Variants in CHSY1 observed in about 807,000 individuals in gnomAD.
CHSY1 encodes chondroitin sulfate synthase 1, also known as N-acetylgalactosaminyl-proteoglycan 3-beta-glucuronosyltransferase 1.
Under a neutral mutation model 59.8 loss-of-function variants are expected in CHSY1, and 13 were observed. The ratio of observed to expected loss-of-function variants is 0.22; its 90% CI spans 0.14 to 0.35. The LOEUF is 0.35. Ranked by LOEUF, CHSY1 falls within the 10% of genes least tolerant of loss-of-function variation. CHSY1 has a pLI of 1.00. For synonymous variants in CHSY1, 459 were observed against 401.2 expected (o/e 1.14, Z -1.72); for missense variants, 947 against 1,030.6 (o/e 0.92, Z 1.11).
At chr15:101,247,936 T>C (rs2039067559) in intron 1 of CHSY1, among the ~76,000 whole-genome samples, 2 of 152,354 alleles carry the variant, frequency 1.3e-5, no homozygotes, top group South Asian at 4.1e-4. Context: ...TGCTAGCTAC[T>C]AGTCCCTTCA....
intron 1 of CHSY1, among the ~76,000 whole-genome samples, chr15:101,245,183 T>C (rs1435202458): frequency 6.6e-6 from 1 of 152,192 alleles, no homozygotes; most frequent in Non-Finnish European, 1.5e-5. Flanking sequence ...ACACAAAGCC[T>C]GGCACGCAGA....
chr15:101,230,875 G>T (rs1351575874), intron 2 of CHSY1, among the ~76,000 whole-genome samples: 1 of 152,180 alleles, frequency 6.6e-6, no homozygotes, highest in Non-Finnish European at 1.5e-5. Flanking sequence ...GGGAGAAAAA[G>T]GTGGCCATTC....
At chr15:101,230,239 C>T (rs992508676) in intron 2 of CHSY1, among the ~76,000 whole-genome samples, 1 of 152,126 alleles carries the variant, frequency 6.6e-6, no homozygotes, top group Non-Finnish European at 1.5e-5. Flanking sequence ...TAATACCCTA[C>T]TTTTGATAAT....
At chr15:101,210,428 T>G (rs947356147) in intron 2 of CHSY1, among the ~76,000 whole-genome samples, 28 of 152,340 alleles carry the variant, frequency 1.8e-4, no homozygotes, top group Admixed American at 1.8e-3. Flanking sequence ...AGACACTAGA[T>G]GGATACTGGA....
chr15:101,203,301 A>G (rs752661377), intron 2 of CHSY1, among the ~76,000 whole-genome samples: 1 of 152,234 alleles, frequency 6.6e-6, no homozygotes, highest in Non-Finnish European at 1.5e-5. Context: ...CCACAGGTCA[A>G]GGCCACACAT....
chr15:101,198,644 C>A (rs984873164), intron 2 of CHSY1, among the ~76,000 whole-genome samples: 8 of 152,212 alleles, frequency 5.3e-5, no homozygotes, highest in African/African-American at 1.9e-4. Context: ...CTTTCAAAAA[C>A]TGGATAACTT....
chr15:101,190,775 C>T lies in CHSY1; in HGVS notation c.817-11795G>A, dbSNP rs543868360. Among the ~76,000 whole-genome samples the T allele has an allele frequency of 1.2e-4, 19 of 152,210 alleles. No individual in the cohort carries two copies. In the East Asian group the frequency reaches 2.3e-3, roughly 19 times the overall value. ...GGAAAACAACCCAATTAAAAAGTAG[C>T]CAAAGGCTTTAACAAGCACCTTGCC... On this transcript the variant is annotated intron_variant, in intron 2 of 2. Transcript: ENST00000254190.
chr15:101,208,187 C>T (rs1207908512), intron 2 of CHSY1, among the ~76,000 whole-genome samples: 2 of 152,182 alleles, frequency 1.3e-5, no homozygotes, highest in African/African-American at 4.8e-5. Flanking sequence ...CACACACACA[C>T]ATGCACATTT....
intron 1 of CHSY1, among the ~76,000 whole-genome samples, chr15:101,249,792 G>A (rs982859198): frequency 1.3e-5 from 2 of 152,176 alleles, no homozygotes; most frequent in African/African-American, 4.8e-5. Context: ...TAGAATTACA[G>A]GCGTGAGCCA....
chr15:101,193,676 G>T (rs1314805950), intron 2 of CHSY1, among the ~76,000 whole-genome samples: 1 of 152,220 alleles, frequency 6.6e-6, no homozygotes, highest in Non-Finnish European at 1.5e-5. Context: ...TTACTCCATG[G>T]ACCCAAATTT....
chr15:101,208,185 C>A (rs2038646828), intron 2 of CHSY1, among the ~76,000 whole-genome samples: 1 of 152,196 alleles, frequency 6.6e-6, no homozygotes, highest in South Asian at 2.1e-4. Context: ...GACACACACA[C>A]ACATGCACAT....
At chr15:101,189,355 G>A (rs2038413795) in intron 2 of CHSY1, 7 of 744,384 alleles carry the variant, frequency 9.4e-6, no homozygotes, top group African/African-American at 1.9e-5. Context: ...CTACGAGAAC[G>A]TGATATAAGC....
chr15:101,210,990 G>A (rs2141260708), intron 2 of CHSY1, among the ~76,000 whole-genome samples: 1 of 152,232 alleles, frequency 6.6e-6, no homozygotes, highest in South Asian at 2.1e-4. Flanking sequence ...AATATCAAAT[G>A]AAATAACTAA....
At chr15:101,201,102 AG>A (rs963974336) in intron 2 of CHSY1, among the ~76,000 whole-genome samples, 2 of 29,224 alleles carry the variant, frequency 6.8e-5, no homozygotes, top group African/African-American at 1.3e-4. Context: ...GTGTGTCTAT[AG>A]GTGGGGGCGG....
chr15:101,224,765 C>G (rs1214147054), intron 2 of CHSY1, among the ~76,000 whole-genome samples: 1 of 152,202 alleles, frequency 6.6e-6, no homozygotes, highest in Non-Finnish European at 1.5e-5. Context: ...CTTTCCTATC[C>G]CAGACAACAC....
At chr15:101,183,783 G>A (rs986152819) in intron 2 of CHSY1, among the ~76,000 whole-genome samples, 18 of 152,154 alleles carry the variant, frequency 1.2e-4, no homozygotes, top group Admixed American at 1.1e-3. Context: ...TTGACACATC[G>A]AGTTCATAAC....
intron 1 of CHSY1, among the ~76,000 whole-genome samples, chr15:101,242,068 C>T (rs908223991): frequency 1.3e-5 from 2 of 151,760 alleles, no homozygotes; most frequent in East Asian, 3.8e-4. Flanking sequence ...TATTGTTTTT[C>T]CCCCCAAATA....
At chr15:101,195,404 A>C (rs1352415321) in intron 2 of CHSY1, among the ~76,000 whole-genome samples, 1 of 152,256 alleles carries the variant, frequency 6.6e-6, no homozygotes, top group Non-Finnish European at 1.5e-5. Context: ...AAAGAAAAAG[A>C]GACATGAAAA....
intron 2 of CHSY1, among the ~76,000 whole-genome samples, chr15:101,214,601 A>G (rs1294889429): frequency 1.3e-5 from 2 of 152,106 alleles, no homozygotes; most frequent in African/African-American, 2.4e-5. Flanking sequence ...TGCAGTCCCT[A>G]TGTTGGAGGG....
Sources: gnomAD v4.1 joint callset for allele counts (sites outside exome capture counted in the v4.1 genomes callset) on GRCh38, gnomAD v4.1.1 for gene constraint, MANE v1.5 for transcripts, NCBI Gene and HGNC (gene_info 2026-07-23, HGNC 2026-07-21) for gene names.